Variants in SLC4A4 observed in about 807,000 individuals in gnomAD.
SLC4A4 encodes the protein electrogenic sodium bicarbonate cotransporter 1.
In SLC4A4, 27 loss-of-function variants were observed where a neutral mutation model predicts 111.5. The observed-to-expected ratio is 0.24, with a 90% CI of 0.18 to 0.33. The LOEUF is 0.33. Among genes scored for constraint, SLC4A4 ranks in the 10% least tolerant of loss-of-function variants. The pLI is 1.00. For synonymous variants in SLC4A4, 443 were observed against 463.4 expected (o/e 0.96, Z 0.57); for missense variants, 909 against 1,315.5 (o/e 0.69, Z 4.78).
chr4:71,544,051 C>T (rs1735295529), intron 18 of SLC4A4, among the ~76,000 whole-genome samples: 1 of 152,058 alleles, frequency 6.6e-6, no homozygotes, highest in South Asian at 2.1e-4. Context: ...AAAAAAGATA[C>T]AGTCCGGTCC....
intron 2 of SLC4A4, among the ~76,000 whole-genome samples, chr4:71,181,433 C>T (rs2148988021): frequency 6.6e-6 from 1 of 152,220 alleles, no homozygotes; most frequent in Middle Eastern, 3.4e-3. Flanking sequence ...CTCTAGTTCC[C>T]CTTCCTGGAA....
At chr4:71,477,226 G>T (rs1026624726) in intron 14 of SLC4A4, among the ~76,000 whole-genome samples, 1 of 151,644 alleles carries the variant, frequency 6.6e-6, no homozygotes, top group African/African-American at 2.4e-5. Flanking sequence ...ATTCTTAGAG[G>T]TTACTATAAA....
intron 7 of SLC4A4, among the ~76,000 whole-genome samples, chr4:71,425,792 A>G (rs560971921): frequency 1.3e-5 from 2 of 152,218 alleles, no homozygotes; most frequent in Admixed American, 6.6e-5. Flanking sequence ...CCTAGAATCC[A>G]TAGAAGGGAG....
intron 2 of SLC4A4, among the ~76,000 whole-genome samples, chr4:71,165,982 T>C (rs1289432610): frequency 6.6e-6 from 1 of 152,108 alleles, no homozygotes; most frequent in Admixed American, 6.6e-5. Context: ...CCACAGAGCA[T>C]AATAGTGAAA....
chr4:71,362,658 A>C (rs1730896738), intron 6 of SLC4A4, among the ~76,000 whole-genome samples: 1 of 152,232 alleles, frequency 6.6e-6, no homozygotes, highest in African/African-American at 2.4e-5. Flanking sequence ...GGAGGTGAGG[A>C]AGACCTTTCT....
intron 3 of SLC4A4, among the ~76,000 whole-genome samples, chr4:71,333,265 T>C (rs1728166382): frequency 6.6e-6 from 1 of 152,228 alleles, no homozygotes; most frequent in Non-Finnish European, 1.5e-5. Context: ...AGCCCAGTAA[T>C]GCTGTGACTC....
intron 6 of SLC4A4, among the ~76,000 whole-genome samples, chr4:71,372,183 A>C (rs1345469839): frequency 1.3e-5 from 2 of 152,230 alleles, no homozygotes; most frequent in African/African-American, 4.8e-5. Flanking sequence ...TAAAAGCTTC[A>C]TTTAAAGTTC....
chr4:71,222,577 T>A (rs1718812603), intron 1 of SLC4A4, among the ~76,000 whole-genome samples: 1 of 152,200 alleles, frequency 6.6e-6, no homozygotes, highest in African/African-American at 2.4e-5. Context: ...ATAAATTGAA[T>A]AAATGAATGA....
chr4:71,386,630 T>A lies in SLC4A4; in HGVS notation c.731-10947T>A, dbSNP rs541208988. Among the ~76,000 whole-genome samples the A allele has an allele frequency of 7.2e-5, 11 of 152,258 alleles. 1 individual carries two copies. The South Asian group carries it at 2.3e-3, about 32-fold the overall frequency. The stretch of plus-strand genomic sequence containing the variant: ...TGTATAATCTCATACATATAGGTTT[T>A]AAGGTAATTATTGGTCTAATCTAAA... On this transcript the variant is annotated intron_variant, in intron 6 of 25. Coordinates refer to ENST00000264485, the MANE Select transcript of SLC4A4 (RefSeq NM_001098484.3).
At chr4:71,217,394 G>A (rs547241675) in intron 1 of SLC4A4, among the ~76,000 whole-genome samples, 2 of 152,010 alleles carry the variant, frequency 1.3e-5, no homozygotes, top group Admixed American at 6.6e-5. Flanking sequence ...GTGAAACCCC[G>A]TTTCTACAAA....
rs1466279529 is a variant in SLC4A4 at position 71,567,038 on chromosome 4, A to T, written c.3231A>T (p.Thr1077=). The T allele has an allele frequency of 1.2e-6, 2 of 1,610,372 alleles. No individual in the cohort carries two copies. The highest frequency in any genetic ancestry group is 3.3e-5 in the Admixed American group (2 of 59,756). The change falls in exon 25 of 26, where the codon ACA becomes ACT. Residue 1077 remains threonine, a synonymous_variant. Coordinates refer to ENST00000264485, the MANE Select transcript of SLC4A4 (RefSeq NM_001098484.3). ...ERSPTFLERH[T]SC ...CACCAACATTCCTTGAACGCCACAC[A>T]TCATGCTGATAAAATTCCTTTCCTT...
intron 16 of SLC4A4, among the ~76,000 whole-genome samples, chr4:71,519,038 A>T (rs948023337): frequency 2.0e-5 from 3 of 152,152 alleles, no homozygotes; most frequent in African/African-American, 7.2e-5. Context: ...GGTAATGTGG[A>T]GAGTGTAAAA....
Position 71,567,059 on chromosome 4 carries a change from T to C in SLC4A4, c.*12T>C, listed in dbSNP as rs370192105. The C allele has an allele frequency of 6.2e-7, 1 of 1,609,984 alleles. No individual in the cohort carries two copies. The highest frequency in any genetic ancestry group is 1.3e-5 in the African/African-American group (1 of 74,790). ...ACACATCATGCTGATAAAATTCCTT[T>C]CCTTCAGTCACTCGGTATGCCAAGG... On this transcript the variant is annotated 3_prime_UTR_variant, in exon 25 of 26. Transcript: ENST00000264485.
intron 5 of SLC4A4, among the ~76,000 whole-genome samples, chr4:71,351,850 C>G (rs1729873692): frequency 2.0e-5 from 3 of 152,104 alleles, no homozygotes; most frequent in African/African-American, 7.2e-5. Context: ...GTAAATCTAC[C>G]ACTTTGTAAA....
At chr4:71,279,673 A>G (rs1257380505) in intron 3 of SLC4A4, among the ~76,000 whole-genome samples, 3 of 152,170 alleles carry the variant, frequency 2.0e-5, no homozygotes, top group Non-Finnish European at 4.4e-5. Context: ...TGGTAGTTCT[A>G]CAGCTGATTT....
At chr4:71,338,296 T>C (rs1728591199) in intron 3 of SLC4A4, among the ~76,000 whole-genome samples, 1 of 152,224 alleles carries the variant, frequency 6.6e-6, no homozygotes, top group South Asian at 2.1e-4. Context: ...GGTAGGGATT[T>C]TTGGTTTTAT....
At chr4:71,176,181 G>A (rs549626206) in intron 2 of SLC4A4, among the ~76,000 whole-genome samples, 32 of 152,022 alleles carry the variant, frequency 2.1e-4, no homozygotes, top group Non-Finnish European at 4.0e-4. Context: ...CCATCTGTAC[G>A]TCACCATCAT....
At position 71,264,373 on chromosome 4, in the gene SLC4A4, A is replaced by C. The variant is rs1722086817; in HGVS notation, c.253+8974A>C. Reference sequence around the variant, plus strand: ...GTATCAACATTATCTTTTGTCATTTATCAAAATTTTACCACAAAGACCACA... The same window carrying C: ...GTATCAACATTATCTTTTGTCATTTCTCAAAATTTTACCACAAAGACCACA... On this transcript the variant is annotated intron_variant, in intron 3 of 25. Transcript: ENST00000264485. 2.0e-5 allele frequency among the ~76,000 whole-genome samples: 3 copies of C among 152,196 alleles called. No homozygotes were observed. In the South Asian group the frequency reaches 6.2e-4, roughly 31 times the overall value.
chr4:71,347,276 A>C (rs747082486), intron 4 of SLC4A4, among the ~76,000 whole-genome samples: 1 of 152,212 alleles, frequency 6.6e-6, no homozygotes, highest in Non-Finnish European at 1.5e-5. Flanking sequence ...CTTTTTAGAT[A>C]AAATCTTATT....
Sources: allele counts gnomAD v4.1 joint callset (sites outside exome capture counted in the v4.1 genomes callset), GRCh38; gene constraint gnomAD v4.1.1; transcripts MANE v1.5; gene names NCBI Gene and HGNC (gene_info 2026-07-23, HGNC 2026-07-21).